Variants in ALK observed in about 807,000 individuals in gnomAD.
The protein encoded by ALK is ALK tyrosine kinase receptor.
ALK carries 74 observed loss-of-function variants against 163.1 expected under a neutral mutation model. The ratio of observed to expected loss-of-function variants is 0.45; its 90% confidence interval spans 0.38 to 0.55. The LOEUF is 0.55. Among genes scored for constraint, ALK ranks in the 20% least tolerant of loss-of-function variants. The pLI, the probability that ALK is intolerant of heterozygous loss-of-function variation, is 0.00. For missense variants in ALK, 2,063 were observed against 2,105.3 expected (o/e 0.98, Z 0.39); for synonymous variants, 960 against 843.2 (o/e 1.14, Z -2.40).
chr2:29,648,998 C>T (rs566489098), intron 3 of ALK, among the ~76,000 whole-genome samples: 4 of 152,254 alleles, frequency 2.6e-5, no homozygotes, highest in Non-Finnish European at 2.9e-5. Context: ...ACTTCTAGGT[C>T]CCCAAATTGC....
intron 3 of ALK, among the ~76,000 whole-genome samples, chr2:29,571,817 T>C (rs1169565418): frequency 1.3e-5 from 2 of 152,004 alleles, no homozygotes; most frequent in Non-Finnish European, 2.9e-5. Flanking sequence ...GGTTTCACCA[T>C]ATTGGCCAGG....
intron 4 of ALK, among the ~76,000 whole-genome samples, chr2:29,394,661 T>C (rs948138161): frequency 6.6e-6 from 1 of 152,010 alleles, no homozygotes; most frequent in Non-Finnish European, 1.5e-5. Flanking sequence ...TCTGGCAGGG[T>C]GGGTGGTAGA....
At chr2:29,351,182 TAG>T (rs755537489) in intron 5 of ALK, among the ~76,000 whole-genome samples, 3 of 152,202 alleles carry the variant, frequency 2.0e-5, no homozygotes, top group Non-Finnish European at 2.9e-5. Context: ...AATTAACATA[TAG>T]AGTTATTAAA....
chr2:29,749,384 A>T (rs778787763), intron 1 of ALK, among the ~76,000 whole-genome samples: 4 of 152,222 alleles, frequency 2.6e-5, no homozygotes, highest in Admixed American at 6.5e-5. Context: ...GGGGACACCA[A>T]CCTATGTCTT....
chr2:29,464,888 AG>A (rs754575639), intron 4 of ALK, among the ~76,000 whole-genome samples: 73 of 152,236 alleles, frequency 4.8e-4, no homozygotes, highest in Non-Finnish European at 8.5e-4. Flanking sequence ...TTGAAGACAA[AG>A]CAATAGAAAC....
At chr2:29,510,984 C>G (rs1389719107) in intron 4 of ALK, among the ~76,000 whole-genome samples, 1 of 152,140 alleles carries the variant, frequency 6.6e-6, no homozygotes, top group African/African-American at 2.4e-5. Context: ...GCTCTGCCAC[C>G]ATCTCTCTCA....
chr2:29,285,188 A>G (rs1573192680), intron 9 of ALK, among the ~76,000 whole-genome samples: 1 of 151,962 alleles, frequency 6.6e-6, no homozygotes, highest in Non-Finnish European at 1.5e-5. Context: ...CCCTCAAAAG[A>G]CCTTCCAATA....
At chr2:29,741,463 G>A (rs559775269) in intron 1 of ALK, among the ~76,000 whole-genome samples, 6 of 152,204 alleles carry the variant, frequency 3.9e-5, no homozygotes, top group South Asian at 2.1e-4. Context: ...ATTTTGCTGC[G>A]AACCTAAAAC....
At chr2:29,653,496 C>G (rs560054890) in intron 3 of ALK, among the ~76,000 whole-genome samples, 6 of 152,136 alleles carry the variant, frequency 3.9e-5, no homozygotes, top group African/African-American at 1.4e-4. Flanking sequence ...ATGACTTTGC[C>G]TCTTGCTTAC....
chr2:29,283,147 C>T (rs1242767076), intron 9 of ALK, among the ~76,000 whole-genome samples: 1 of 152,170 alleles, frequency 6.6e-6, no homozygotes, highest in East Asian at 1.9e-4. Flanking sequence ...TGGGCCCCTG[C>T]CATTCTTTTG....
At chr2:29,621,463 T>C (rs1274164535) in intron 3 of ALK, among the ~76,000 whole-genome samples, 1 of 152,188 alleles carries the variant, frequency 6.6e-6, no homozygotes, top group Non-Finnish European at 1.5e-5. Context: ...TAGGAAAAGC[T>C]GATGGTCAGG....
intron 1 of ALK, among the ~76,000 whole-genome samples, chr2:29,900,579 T>C (rs1283926286): frequency 6.6e-6 from 1 of 152,260 alleles, no homozygotes; most frequent in Non-Finnish European, 1.5e-5. Context: ...TGTGGTGCCT[T>C]GCACAGAGTG....
intron 3 of ALK, among the ~76,000 whole-genome samples, chr2:29,666,712 A>T (rs1173005921): frequency 2.0e-5 from 3 of 151,968 alleles, no homozygotes; most frequent in East Asian, 1.9e-4. Context: ...TTATTCTTTT[A>T]AAAAAAATTA....
chr2:29,712,736 A>T (rs1558454871), intron 2 of ALK, among the ~76,000 whole-genome samples: 1 of 152,088 alleles, frequency 6.6e-6, no homozygotes, highest in Non-Finnish European at 1.5e-5. Context: ...TAAAAAGTCT[A>T]ATTTTTCTTT....
At chr2:29,370,914 C>T (rs1444816428) in intron 5 of ALK, among the ~76,000 whole-genome samples, 1 of 152,182 alleles carries the variant, frequency 6.6e-6, no homozygotes, top group African/African-American at 2.4e-5. Context: ...AGACTCTGAG[C>T]TACCAGTGAT....
At chr2:29,881,590 C>T (rs1003154116) in intron 1 of ALK, among the ~76,000 whole-genome samples, 1 of 152,126 alleles carries the variant, frequency 6.6e-6, no homozygotes, top group Admixed American at 6.5e-5. Context: ...TGTCTCCCCG[C>T]CTCCTGCGTG....
chr2:29,369,101 C>G (rs914635419), intron 5 of ALK, among the ~76,000 whole-genome samples: 8 of 152,206 alleles, frequency 5.3e-5, no homozygotes, highest in African/African-American at 1.9e-4. Flanking sequence ...TCCAATGTAA[C>G]TTCTTGACAC....
chr2:29,735,291 T>G (rs886799484), intron 1 of ALK, among the ~76,000 whole-genome samples: 9 of 152,106 alleles, frequency 5.9e-5, no homozygotes, highest in African/African-American at 2.2e-4. Context: ...AGGCAGTATT[T>G]AAGAGTGTTG....
At chr2:29,453,393 G>A (rs1193233318) in intron 4 of ALK, among the ~76,000 whole-genome samples, 1 of 151,702 alleles carries the variant, frequency 6.6e-6, no homozygotes, top group Non-Finnish European at 1.5e-5. Flanking sequence ...AACATGCCTG[G>A]CAATTTTTTT....
Sources: allele counts gnomAD v4.1 joint callset (sites outside exome capture counted in the v4.1 genomes callset), GRCh38; gene constraint gnomAD v4.1.1; transcripts MANE v1.5; gene names NCBI Gene and HGNC (gene_info 2026-07-23, HGNC 2026-07-21).